Variants in CCDC178 observed in about 807,000 individuals in gnomAD.
CCDC178 encodes the protein coiled-coil domain containing 178.
Under a neutral mutation model 117.4 loss-of-function variants are expected in CCDC178, and 126 were observed. The observed-to-expected ratio is 1.07, with a 90% confidence interval of 0.93 to 1.24. CCDC178 has a LOEUF of 1.24. Ranked by LOEUF, CCDC178 falls within the 50% of genes most tolerant of loss-of-function variation. CCDC178 has a pLI of 0.00. For missense variants in CCDC178, 1,030 were observed against 986.9 expected (o/e 1.04, Z -0.59); for synonymous variants, 283 against 313.4 (o/e 0.90, Z 1.02).
At chr18:33,435,530 A>T (rs1157341760) in intron 2 of CCDC178, among the ~76,000 whole-genome samples, 2 of 152,006 alleles carry the variant, frequency 1.3e-5, no homozygotes, top group Non-Finnish European at 1.5e-5. Context: ...AACTACTTCA[A>T]ATCTTTTGTA....
chr18:33,413,512 G>A (rs2063888336), intron 2 of CCDC178, among the ~76,000 whole-genome samples: 1 of 123,502 alleles, frequency 8.1e-6, no homozygotes, highest in Non-Finnish European at 1.7e-5. Context: ...CCTCCAGTAA[G>A]ATAGAACTGG....
chr18:32,951,435 G>A (rs2054480448), intron 22 of CCDC178, among the ~76,000 whole-genome samples: 1 of 152,184 alleles, frequency 6.6e-6, no homozygotes, highest in African/African-American at 2.4e-5. Context: ...GGTGGCAGGA[G>A]AGAGAATGAG....
chr18:33,431,412 C>T (rs989041269), intron 2 of CCDC178, among the ~76,000 whole-genome samples: 4 of 151,944 alleles, frequency 2.6e-5, no homozygotes, highest in African/African-American at 9.7e-5. Flanking sequence ...TTCACAGAAA[C>T]AAGGTCATAC....
At chr18:33,091,282 T>C (rs1362172376) in intron 21 of CCDC178, among the ~76,000 whole-genome samples, 1 of 151,210 alleles carries the variant, frequency 6.6e-6, no homozygotes, top group Non-Finnish European at 1.5e-5. Context: ...TTTTGGCAGA[T>C]AGTTGTATTA....
At chr18:33,042,698 AG>A (rs2056571683) in intron 21 of CCDC178, among the ~76,000 whole-genome samples, 2 of 151,920 alleles carry the variant, frequency 1.3e-5, no homozygotes, top group African/African-American at 4.8e-5. Flanking sequence ...TACTATTTTT[AG>A]AAAATGCACT....
At chr18:32,945,163 C>CAG (rs1412282559) in intron 22 of CCDC178, among the ~76,000 whole-genome samples, 27 of 152,100 alleles carry the variant, frequency 1.8e-4, no homozygotes, top group African/African-American at 6.3e-4. Context: ...GCTATATGTC[C>CAG]TGAAGGCAGT....
At chr18:33,408,973 T>C (rs751635185) in intron 3 of CCDC178, among the ~76,000 whole-genome samples, 1 of 152,232 alleles carries the variant, frequency 6.6e-6, no homozygotes, top group Non-Finnish European at 1.5e-5. Context: ...GAAAATACTA[T>C]TGGTCAGCTT....
chr18:33,161,299 A>G (rs925954597), intron 20 of CCDC178, among the ~76,000 whole-genome samples: 3 of 151,986 alleles, frequency 2.0e-5, no homozygotes, highest in East Asian at 3.9e-4. Flanking sequence ...CCTGTGCCCA[A>G]TTTCCACTTC....
intron 20 of CCDC178, among the ~76,000 whole-genome samples, chr18:33,204,412 T>TAG (rs10651039): frequency 0.16 from 24,405 of 152,028 alleles, 2,724 homozygotes; most frequent in African/African-American, 0.32. Flanking sequence ...GCAAAATCTG[T>TAG]AGTTTTTGAA....
chr18:33,333,506 CTTT>C (rs11361411), intron 9 of CCDC178, 112 bp from the exon 10 acceptor site: 4,181 of 151,794 alleles, frequency 0.028, no homozygotes, highest in Middle Eastern at 0.053. Context: ...AATCTTACTA[CTTT>C]TTTTTTTTTT....
intron 22 of CCDC178, among the ~76,000 whole-genome samples, chr18:32,943,294 T>C (rs2054278818): frequency 2.0e-5 from 3 of 152,312 alleles, no homozygotes; most frequent in African/African-American, 7.2e-5. Context: ...ATATTTCAAG[T>C]ATCCTATTCC....
intron 21 of CCDC178, among the ~76,000 whole-genome samples, chr18:33,065,861 C>CTT (rs113727763): frequency 8.4e-5 from 11 of 130,202 alleles, no homozygotes; most frequent in Non-Finnish European, 1.1e-4. Context: ...AGTTCTTTTT[C>CTT]TTTTTTTTTT....
intron 5 of CCDC178, among the ~76,000 whole-genome samples, chr18:33,372,514 G>A (rs187111095): frequency 6.6e-6 from 1 of 152,196 alleles, no homozygotes; most frequent in African/African-American, 2.4e-5. Context: ...TCCTCCTTGT[G>A]AAGCCTGTGC....
intron 22 of CCDC178, among the ~76,000 whole-genome samples, chr18:32,952,917 C>CCT (rs1484970855): frequency 6.6e-6 from 1 of 151,810 alleles, no homozygotes; most frequent in East Asian, 2.0e-4. Flanking sequence ...GGACTACAGG[C>CCT]ACCCACCACC....
chr18:33,261,442 T>G (rs944807734), intron 14 of CCDC178, among the ~76,000 whole-genome samples: 2 of 152,228 alleles, frequency 1.3e-5, no homozygotes, highest in Non-Finnish European at 2.9e-5. Context: ...GATTTACATC[T>G]TCTTTAATTT....
At chr18:33,335,385 T>C (rs2062725959) in intron 9 of CCDC178, among the ~76,000 whole-genome samples, 1 of 152,050 alleles carries the variant, frequency 6.6e-6, no homozygotes, top group African/African-American at 2.4e-5. Context: ...TTTTTTTATG[T>C]TTTTTACCCT....
intron 5 of CCDC178, among the ~76,000 whole-genome samples, chr18:33,373,731 A>G (rs1320675626): frequency 6.6e-6 from 1 of 152,190 alleles, no homozygotes; most frequent in Non-Finnish European, 1.5e-5. Flanking sequence ...AGAGAACAAT[A>G]TTAAGTGCCT....
intron 20 of CCDC178, among the ~76,000 whole-genome samples, chr18:33,142,281 C>T (rs1334733039): frequency 1.3e-5 from 2 of 152,168 alleles, no homozygotes; most frequent in Non-Finnish European, 1.5e-5. Flanking sequence ...AAAGGCTTAT[C>T]CAGCCCGAGA....
At chr18:33,238,454 A>G (rs2059451219) in intron 15 of CCDC178, among the ~76,000 whole-genome samples, 1 of 152,070 alleles carries the variant, frequency 6.6e-6, no homozygotes, top group Non-Finnish European at 1.5e-5. Flanking sequence ...TATAGATATT[A>G]TTAAAAAAGA....
Sources: allele counts gnomAD v4.1 joint callset (sites outside exome capture counted in the v4.1 genomes callset), GRCh38; gene constraint gnomAD v4.1.1; transcripts MANE v1.5; gene names NCBI Gene and HGNC (gene_info 2026-07-23, HGNC 2026-07-21).